RRP15: variants seen among roughly 807,000 people sequenced by gnomAD.
RRP15 encodes ribosomal RNA processing 15 homolog.
Under a neutral mutation model 27.1 loss-of-function variants are expected in RRP15, and 18 were observed. That is an observed-to-expected ratio of 0.66 (90% CI 0.46 to 0.98). The LOEUF (loss-of-function observed/expected upper bound fraction) is 0.98. Among genes scored for constraint, RRP15 ranks in the 50% least tolerant of loss-of-function variants. The pLI, the probability that RRP15 is intolerant of heterozygous loss-of-function variation, is 0.00. For missense variants in RRP15, 359 were observed against 337.8 expected (o/e 1.06, Z -0.49); for synonymous variants, 107 against 109.4 (o/e 0.98, Z 0.14).
At position 218,337,453 on chromosome 1, in the gene RRP15, T is replaced by C. The variant is rs923751800; in HGVS notation, c.*6362T>C. On this transcript the variant is annotated 3_prime_UTR_variant, in exon 5 of 5. Transcript: ENST00000366932. Reference sequence around the variant, plus strand: ...TTTAAAACTTACAAGTTCAGTGATATGAGGACATTTACATAAACTATCGAA... The same window carrying C: ...TTTAAAACTTACAAGTTCAGTGATACGAGGACATTTACATAAACTATCGAA... The C allele has an allele frequency of 1.3e-5, 2 of 152,222 alleles. No individual in the cohort carries two copies. Among genetic ancestry groups the C allele is most frequent in the East Asian group, 3.8e-4 (2 of 5,198 alleles). The allele number at this position is 152,222 out of a possible 1,614,324, so 9.4% of individuals were successfully genotyped here.
intron 1 of RRP15, among the ~76,000 whole-genome samples, chr1:218,294,012 A>G (rs929998579): frequency 1.3e-5 from 2 of 152,164 alleles, no homozygotes; most frequent in Non-Finnish European, 2.9e-5. Flanking sequence ...AATGACTAAG[A>G]TTGAATTTTT....
rs575430698 is a variant in RRP15, at chr1:218,291,328, C to T, written c.139+5873C>T. Among the ~76,000 whole-genome samples the T allele has an allele frequency of 1.5e-4, 23 of 151,676 alleles. No individual in the cohort carries two copies. The South Asian group carries it at 1.9e-3, about 12-fold the overall frequency. On this transcript the variant is annotated intron_variant, in intron 1 of 4. Transcript: ENST00000366932. Reference sequence around the variant, plus strand: ...AACATGGTGGTGTATGCCTGTAGTGCCAGCTACTTGTGAGGCTAAGGCATA... The same window carrying T: ...AACATGGTGGTGTATGCCTGTAGTGTCAGCTACTTGTGAGGCTAAGGCATA...
intron 1 of RRP15, among the ~76,000 whole-genome samples, chr1:218,298,447 C>T (rs1655756730): frequency 6.6e-6 from 1 of 152,082 alleles, no homozygotes; most frequent in African/African-American, 2.4e-5. Flanking sequence ...TTCCTTTGTC[C>T]TTTCTTGGCC....
In RRP15 at chr1:218,334,793, G is replaced by A. The variant is rs1010447776; in HGVS notation, c.*3702G>A. 2.6e-5 allele frequency: 4 copies of A among 152,130 alleles called. No homozygotes were observed. Among genetic ancestry groups the A allele is most frequent in the Non-Finnish European group, 2.9e-5 (2 of 68,024 alleles). The allele number at this position is 152,130 out of a possible 1,614,324, so 9.4% of individuals were successfully genotyped here. On this transcript the variant is annotated 3_prime_UTR_variant, in exon 5 of 5. Transcript: ENST00000366932. ...GAATTGGCAGTGAGAGCAAATTTTG[G>A]AAACAGGAGAGAGAACTACTTCGTG... is the stretch of plus-strand genomic sequence containing the variant.
At chr1:218,322,299 A>T (rs1656198267) in intron 4 of RRP15, among the ~76,000 whole-genome samples, 1 of 152,216 alleles carries the variant, frequency 6.6e-6, no homozygotes, top group Non-Finnish European at 1.5e-5. Context: ...ATCTTAAGAG[A>T]ATTAGAAATA....
At chr1:218,287,150 T>C (rs1310707966) in intron 1 of RRP15, among the ~76,000 whole-genome samples, 1 of 149,806 alleles carries the variant, frequency 6.7e-6, no homozygotes, top group Non-Finnish European at 1.5e-5. Context: ...TTCTTTTTTT[T>C]TTTTTTTTTT....
At position 218,307,506 on chromosome 1, in the gene RRP15, T is replaced by A. The variant is rs752969560; in HGVS notation, c.579T>A (p.Ser193Arg). The A allele has an allele frequency of 1.9e-6, 3 of 1,614,000 alleles. No individual in the cohort carries two copies. Among genetic ancestry groups the A allele is most frequent in the South Asian group, 1.1e-5 (1 of 91,082 alleles). Residue 193 changes from serine to arginine, a missense_variant, in exon 4 of 5, where the codon AGT becomes AGA. Transcript: ENST00000366932. ...ATGAAAAGGTTAAGGAAGCTGGAAGTTCTATGAGAAAGCGTGCTAAGTTGA... is the reference window on the plus strand; with the variant it reads ...ATGAAAAGGTTAAGGAAGCTGGAAGATCTATGAGAAAGCGTGCTAAGTTGA... ...NVDEKVKEAG[S>R]SMRKRAKLIS...
At chr1:218,315,584 C>T (rs780686089) in intron 4 of RRP15, among the ~76,000 whole-genome samples, 6 of 151,730 alleles carry the variant, frequency 4.0e-5, no homozygotes, top group Non-Finnish European at 5.9e-5. Context: ...CATGCCACCG[C>T]ACCTGGCTTT....
Position 218,302,424 on chromosome 1 carries a change from G to T in RRP15, c.270G>T (p.Met90Ile), listed in dbSNP as rs1273376535. The T allele has an allele frequency of 6.2e-7, 1 of 1,613,910 alleles. No individual in the cohort carries two copies. The highest frequency in any genetic ancestry group is 1.3e-5 in the African/African-American group (1 of 74,878). Residue 90 changes from methionine (M) to isoleucine (I), a missense_variant, in exon 2 of 5, where the codon ATG becomes ATT. Met to Ile is a conservative substitution (Grantham distance 10, BLOSUM62 1). Coordinates refer to ENST00000366932, the MANE Select transcript of RRP15 (RefSeq NM_016052.4). ...GAGAATCAAGTGTTGGGACTAATAT[G>T]GGCTGGGCAGATGCTATGGCTAAAG... Reference protein sequence around the residue: ...NDGESSVGTNMGWADAMAKVL... With the variant: ...NDGESSVGTNIGWADAMAKVL...
intron 1 of RRP15, among the ~76,000 whole-genome samples, chr1:218,300,786 G>C (rs1383159742): frequency 6.6e-6 from 1 of 152,168 alleles, no homozygotes; most frequent in Admixed American, 6.6e-5. Flanking sequence ...AGCGGTTATG[G>C]TTCTGATGCT....
chr1:218,314,906 C>A (rs569656550), intron 4 of RRP15, among the ~76,000 whole-genome samples: 1 of 150,262 alleles, frequency 6.7e-6, no homozygotes, highest in East Asian at 2.0e-4. Flanking sequence ...GCAGGAGAAT[C>A]GCTTGAACCT....
At position 218,332,082 on chromosome 1, in the gene RRP15, G is replaced by A. The variant is rs184711483; in HGVS notation, c.*991G>A. 1.3e-5 allele frequency: 2 copies of A among 151,930 alleles called. No individual in the cohort carries two copies. The highest frequency in any genetic ancestry group is 2.9e-5 in the Non-Finnish European group (2 of 68,018). The allele number at this position is 151,930 out of a possible 1,614,324, so 9.4% of individuals were successfully genotyped here. A position where few individuals can be genotyped will look rare whatever the true frequency, so the allele number is the denominator to read the frequency against. On this transcript the variant is annotated 3_prime_UTR_variant, in exon 5 of 5. Coordinates refer to ENST00000366932, the MANE Select transcript of RRP15 (RefSeq NM_016052.4). Reference sequence around the variant, plus strand: ...ATTTTTGCATGAGAGATTTACAGAGGTGGAAATTCTCATGCTTAACTTATG... The same window carrying A: ...ATTTTTGCATGAGAGATTTACAGAGATGGAAATTCTCATGCTTAACTTATG...
chr1:218,324,347 G>A (rs761544698), intron 4 of RRP15, among the ~76,000 whole-genome samples: 1 of 152,214 alleles, frequency 6.6e-6, no homozygotes, highest in African/African-American at 2.4e-5. Flanking sequence ...GGGTACTCGC[G>A]GGTTCCCAAG....
intron 2 of RRP15, 169 bp downstream of exon 2, chr1:218,302,728 T>C (rs1451908762): frequency 9.6e-7 from 1 of 1,038,790 alleles, no homozygotes; most frequent in Non-Finnish European, 1.4e-6. Context: ...TCTAAATTAT[T>C]CCATTGAGCA....
intron 4 of RRP15, among the ~76,000 whole-genome samples, chr1:218,325,301 T>C (rs1234710968): frequency 6.6e-6 from 1 of 152,214 alleles, no homozygotes; most frequent in Non-Finnish European, 1.5e-5. Context: ...TTCCTTCTTT[T>C]TCCTTTGGTG....
intron 4 of RRP15, among the ~76,000 whole-genome samples, chr1:218,316,348 TA>T (rs1160291438): frequency 2.6e-5 from 4 of 151,618 alleles, no homozygotes; most frequent in Non-Finnish European, 5.9e-5. Flanking sequence ...GCTGAGGCTT[TA>T]AAAAAAAATT....
intron 2 of RRP15, 76 bp from the exon 3 acceptor site, chr1:218,304,952 C>A: frequency 7.6e-7 from 1 of 1,321,824 alleles, no homozygotes; most frequent in South Asian, 1.2e-5. Flanking sequence ...CACCCTTTCA[C>A]AGAGTATCAT....
intron 4 of RRP15, among the ~76,000 whole-genome samples, chr1:218,318,581 G>T (rs769792949): frequency 1.3e-5 from 2 of 152,018 alleles, no homozygotes; most frequent in African/African-American, 2.4e-5. Flanking sequence ...TTAGGACTAC[G>T]GGCTTGCTGA....
intron 4 of RRP15, among the ~76,000 whole-genome samples, chr1:218,316,990 G>C (rs1387231005): frequency 6.6e-6 from 1 of 152,196 alleles, no homozygotes; most frequent in East Asian, 1.9e-4. Context: ...TAGATTTGAA[G>C]GAACTAGAAA....
Sources: allele counts gnomAD v4.1 joint callset (sites outside exome capture counted in the v4.1 genomes callset), GRCh38; gene constraint gnomAD v4.1.1; transcripts MANE v1.5; gene names NCBI Gene and HGNC (gene_info 2026-07-23, HGNC 2026-07-21).